Variants in MTSS1 observed in about 807,000 individuals in gnomAD.
MTSS1 encodes MTSS I-BAR domain containing 1.
Under a neutral mutation model 79.0 loss-of-function variants are expected in MTSS1, and 18 were observed. The observed-to-expected ratio is 0.23, with a 90% CI of 0.16 to 0.34. The LOEUF (loss-of-function observed/expected upper bound fraction) is 0.34. MTSS1 is among the 10% of genes least tolerant of loss of function. The pLI, the probability that MTSS1 is intolerant of heterozygous loss-of-function variation, is 1.00. For synonymous variants in MTSS1, 341 were observed against 368.6 expected (o/e 0.93, Z 0.86); for missense variants, 815 against 986.2 (o/e 0.83, Z 2.33).
chr8:124,697,523 T>G (rs891551343), intron 3 of MTSS1, among the ~76,000 whole-genome samples: 2 of 151,644 alleles, frequency 1.3e-5, no homozygotes, highest in Non-Finnish European at 2.9e-5. Flanking sequence ...ATTGCGCCAT[T>G]GCACTCCAGT....
At chr8:124,592,951 G>A (rs766680822) in intron 3 of MTSS1, among the ~76,000 whole-genome samples, 6 of 152,194 alleles carry the variant, frequency 3.9e-5, no homozygotes, top group Non-Finnish European at 8.8e-5. Context: ...AATCACTCCT[G>A]TTGAAACCAG....
At chr8:124,672,049 A>G (rs1362638382) in intron 3 of MTSS1, among the ~76,000 whole-genome samples, 1 of 152,280 alleles carries the variant, frequency 6.6e-6, no homozygotes, top group Non-Finnish European at 1.5e-5. Flanking sequence ...ATCCACAGAG[A>G]TATCAGTTGG....
In MTSS1 at chr8:124,655,073, G is replaced by A. The variant is rs112953123; in HGVS notation, c.208+44453C>T. On this transcript the variant is annotated intron_variant, in intron 3 of 13. Coordinates refer to ENST00000518547, the MANE Select transcript of MTSS1 (RefSeq NM_014751.6). ...TCCACCCTCTCTTTTCTGCTCTCTA[G>A]CCCCCTAAACAGCAGAGCAGAACAC... Among the ~76,000 whole-genome samples, 1,007 of 152,198 alleles carry A rather than the reference G, an allele frequency of 6.6e-3. 12 individuals carry two copies. Among genetic ancestry groups the A allele is most frequent in the African/African-American group, 0.022 (905 of 41,506 alleles).
intron 3 of MTSS1, among the ~76,000 whole-genome samples, chr8:124,613,731 C>T (rs1255643304): frequency 6.6e-6 from 1 of 152,216 alleles, no homozygotes; most frequent in Admixed American, 6.5e-5. Flanking sequence ...GGTTTCTACC[C>T]CAGTCAAATC....
At position 124,586,288 on chromosome 8, in the gene MTSS1, G is replaced by A. The variant is rs181366987; in HGVS notation, c.386-1127C>T. 3.3e-3 allele frequency among the ~76,000 whole-genome samples: 495 copies of A among 152,244 alleles called. 3 individuals carry two copies. The highest frequency in any genetic ancestry group is 0.011 in the African/African-American group (477 of 41,540). On this transcript the variant is annotated intron_variant, in intron 5 of 13. Transcript: ENST00000518547. ...TACACACCTGGAATCACTGTGCAGC[G>A]TGGCAGCTCTCCACTCTTTTCTGGC...
At chr8:124,558,264 G>T (rs1420099879) in intron 10 of MTSS1, among the ~76,000 whole-genome samples, 1 of 134,154 alleles carries the variant, frequency 7.5e-6, no homozygotes, top group African/African-American at 2.9e-5. Context: ...AAATGAATCT[G>T]TTCATTCTAG....
chr8:124,648,104 G>A (rs1819310409), intron 3 of MTSS1, among the ~76,000 whole-genome samples: 1 of 152,164 alleles, frequency 6.6e-6, no homozygotes, highest in African/African-American at 2.4e-5. Context: ...CTGAAATCAA[G>A]AGGTGGCAAG....
intron 1 of MTSS1, among the ~76,000 whole-genome samples, chr8:124,716,409 A>G (rs1027099876): frequency 6.6e-6 from 1 of 152,228 alleles, no homozygotes; most frequent in Non-Finnish European, 1.5e-5. Flanking sequence ...TCTGTGGTGG[A>G]GTCGGGGATG....
At chr8:124,658,916 A>C (rs953889476) in intron 3 of MTSS1, among the ~76,000 whole-genome samples, 1 of 152,258 alleles carries the variant, frequency 6.6e-6, no homozygotes, top group African/African-American at 2.4e-5. Flanking sequence ...AGTTGTGAGA[A>C]GTAAATTTCT....
At chr8:124,557,908 A>G (rs1020463533) in intron 10 of MTSS1, 33 bp from the exon 11 acceptor site, 7 of 1,488,492 alleles carry the variant, frequency 4.7e-6, no homozygotes, top group Non-Finnish European at 5.5e-6. Flanking sequence ...GGGGGGAAGG[A>G]AAAAAAATTA....
At chr8:124,555,114 G>GA (rs1823315058) in intron 13 of MTSS1, among the ~76,000 whole-genome samples, 1 of 152,218 alleles carries the variant, frequency 6.6e-6, no homozygotes, top group African/African-American at 2.4e-5. Flanking sequence ...CCAAAATGTT[G>GA]AGATTACAGG....
At chr8:124,594,285 C>T (rs145158717) in intron 3 of MTSS1, among the ~76,000 whole-genome samples, 2,882 of 152,296 alleles carry the variant, frequency 0.019, 100 homozygotes, top group African/African-American at 0.066. Context: ...AACCCCAGCA[C>T]TTTGGAAGGC....
At chr8:124,649,104 G>C (rs549808113) in intron 3 of MTSS1, among the ~76,000 whole-genome samples, 2 of 152,236 alleles carry the variant, frequency 1.3e-5, no homozygotes, top group Non-Finnish European at 2.9e-5. Context: ...TCAAGAGCTG[G>C]CAAACTATGG....
intron 10 of MTSS1, among the ~76,000 whole-genome samples, chr8:124,560,473 G>A (rs1825038795): frequency 6.6e-6 from 1 of 152,134 alleles, no homozygotes; most frequent in African/African-American, 2.4e-5. Flanking sequence ...AGTATGCAAG[G>A]CACATGTATT....
intron 3 of MTSS1, among the ~76,000 whole-genome samples, chr8:124,635,555 C>T (rs1431654559): frequency 6.6e-6 from 1 of 152,212 alleles, no homozygotes; most frequent in African/African-American, 2.4e-5. Flanking sequence ...TGCCTCCCTA[C>T]CCAGAGCACA....
chr8:124,630,651 C>T (rs1164810562), intron 3 of MTSS1, among the ~76,000 whole-genome samples: 1 of 152,258 alleles, frequency 6.6e-6, no homozygotes, highest in African/African-American at 2.4e-5. Flanking sequence ...ACACTACTCA[C>T]TTTCTATGTG....
At chr8:124,572,188 G>C (rs1300118532) in intron 6 of MTSS1, among the ~76,000 whole-genome samples, 1 of 152,050 alleles carries the variant, frequency 6.6e-6, no homozygotes, top group African/African-American at 2.4e-5. Flanking sequence ...TATGATTATA[G>C]CAAAGTTATT....
At chr8:124,590,556 C>A (rs1292113433) in intron 4 of MTSS1, among the ~76,000 whole-genome samples, 3 of 152,104 alleles carry the variant, frequency 2.0e-5, no homozygotes, top group Non-Finnish European at 4.4e-5. Context: ...AAGGTGTGCC[C>A]CTTCATTTTG....
chr8:124,599,094 C>A (rs986978630), intron 3 of MTSS1, among the ~76,000 whole-genome samples: 16 of 152,218 alleles, frequency 1.1e-4, no homozygotes, highest in African/African-American at 3.4e-4. Context: ...ATTGCCCTTG[C>A]CGCCTGCTGA....
Sources: gnomAD v4.1 joint callset for allele counts (sites outside exome capture counted in the v4.1 genomes callset) on GRCh38, gnomAD v4.1.1 for gene constraint, MANE v1.5 for transcripts, NCBI Gene and HGNC (gene_info 2026-07-23, HGNC 2026-07-21) for gene names.